Variants in SBF2 observed in about 807,000 individuals in gnomAD.
SBF2 encodes the protein myotubularin-related protein 13.
A neutral mutation model predicts 225.2 loss-of-function variants in SBF2; 112 were observed. That is an observed-to-expected ratio of 0.50 (90% CI 0.43 to 0.58). The LOEUF is 0.58. Ranked by LOEUF, SBF2 falls within the 20% of genes least tolerant of loss-of-function variation. The pLI is 0.00. For synonymous variants in SBF2, 763 were observed against 773.3 expected (o/e 0.99, Z 0.22); for missense variants, 1,996 against 2,206.2 (o/e 0.90, Z 1.91).
In SBF2 at chr11:10,035,737, T is replaced by C. The variant is rs74494743; in HGVS notation, c.280-4567A>G. Among the ~76,000 whole-genome samples the C allele has an allele frequency of 1.3e-4, 20 of 152,268 alleles. No homozygotes were observed. In the East Asian group the frequency reaches 3.7e-3, roughly 28 times the overall value. ...AGATACCATCTCACACCAGTTAGAA[T>C]GGTGATCATTAAAAAGTCAGGAAAC... is the stretch of plus-strand genomic sequence containing the variant. On this transcript the variant is annotated intron_variant, in intron 3 of 39. Coordinates refer to ENST00000256190, the MANE Select transcript of SBF2 (RefSeq NM_030962.4).
intron 2 of SBF2, among the ~76,000 whole-genome samples, chr11:10,174,405 G>T (rs1355694456): frequency 1.3e-5 from 2 of 152,208 alleles, no homozygotes; most frequent in African/African-American, 4.8e-5. Flanking sequence ...GGAAGAAAGG[G>T]TATCAGCGAT....
At chr11:9,784,155 G>C (rs1852214040) in intron 38 of SBF2, among the ~76,000 whole-genome samples, 196 bp downstream of exon 38, 1 of 152,094 alleles carries the variant, frequency 6.6e-6, no homozygotes, top group Non-Finnish European at 1.5e-5. Context: ...CGAGCTACTT[G>C]GGAAACTCCC....
intron 2 of SBF2, among the ~76,000 whole-genome samples, chr11:10,068,000 A>C (rs1167878701): frequency 6.6e-6 from 1 of 152,248 alleles, no homozygotes; most frequent in Non-Finnish European, 1.5e-5. Context: ...CACTTGCTCA[A>C]GAAAAGTGTA....
intron 32 of SBF2, among the ~76,000 whole-genome samples, chr11:9,796,730 T>C (rs890295335): frequency 6.6e-6 from 1 of 152,108 alleles, no homozygotes; most frequent in African/African-American, 2.4e-5. Flanking sequence ...AAGAGAAAGA[T>C]AGTTCAAGTG....
At chr11:10,224,138 A>G (rs1179938589) in intron 1 of SBF2, among the ~76,000 whole-genome samples, 1 of 151,966 alleles carries the variant, frequency 6.6e-6, no homozygotes, top group East Asian at 1.9e-4. Flanking sequence ...CCTTTTTCTT[A>G]ATTTTCCCAA....
intron 2 of SBF2, among the ~76,000 whole-genome samples, chr11:10,051,664 T>C (rs562863758): frequency 5.3e-5 from 8 of 152,216 alleles, no homozygotes; most frequent in South Asian, 2.1e-4. Context: ...ATTAGAATCA[T>C]AGTTTATAGG....
At chr11:10,276,818 C>T (rs1325443463) in intron 1 of SBF2, among the ~76,000 whole-genome samples, 1 of 152,122 alleles carries the variant, frequency 6.6e-6, no homozygotes, top group East Asian at 1.9e-4. Flanking sequence ...GGCTGTGACA[C>T]TAGATCCCAA....
Position 9,849,469 on chromosome 11 carries a change from T to C in SBF2, c.2806+554A>G, listed in dbSNP as rs16907154. Among the ~76,000 whole-genome samples the C allele has an allele frequency of 5.0e-3, 763 of 152,262 alleles. 35 individuals are homozygous for C. The East Asian group carries it at 0.1, about 20-fold the overall frequency. On this transcript the variant is annotated intron_variant, in intron 22 of 39. Transcript: ENST00000256190. ...TAGGGCATGCTATTCCTTTCCAATA[T>C]AGAAGGCTGTACTGAATAGTAGAAA...
chr11:10,201,959 C>T (rs558233827), intron 1 of SBF2, among the ~76,000 whole-genome samples: 1 of 152,316 alleles, frequency 6.6e-6, no homozygotes, highest in Non-Finnish European at 1.5e-5. Flanking sequence ...AGCAGCTACA[C>T]AGCTTTAATC....
intron 16 of SBF2, chr11:9,958,504 G>A (rs1455707176): frequency 1.3e-5 from 2 of 158,104 alleles, no homozygotes; most frequent in South Asian, 1.9e-4. Flanking sequence ...GACTACAGGC[G>A]CCCGCCACCT....
In SBF2 at chr11:9,992,991, T is replaced by C. The variant is rs1490002752; in HGVS notation, c.1166A>G (p.Lys389Arg). 1.0e-5 allele frequency: 16 copies of C among 1,593,120 alleles called. No homozygotes were observed. The highest frequency in any genetic ancestry group is 1.4e-5 in the Non-Finnish European group (16 of 1,162,726). ...IHAEPVIHFH[K>R]TAFLGQRGLV... is the part of the protein sequence containing the mutation. ...ATACAATATAGTACTCTATCTTACC[T>C]TGTGGAAATGTATTACTGGCTCTGC... The change falls in exon 11 of 40, where the codon AAG (lysine) becomes AGG (arginine). Residue 389 changes from lysine to arginine, a missense_variant and splice_region_variant. Transcript: ENST00000256190.
chr11:9,817,194 C>A (rs1253552548), intron 28 of SBF2, among the ~76,000 whole-genome samples, 170 bp from the exon 29 acceptor site: 2 of 152,166 alleles, frequency 1.3e-5, no homozygotes, highest in African/African-American at 4.8e-5. Flanking sequence ...TAAACATTAT[C>A]CAATATAGCA....
intron 1 of SBF2, among the ~76,000 whole-genome samples, chr11:10,209,158 G>A (rs1591217490): frequency 6.6e-6 from 1 of 152,078 alleles, no homozygotes; most frequent in Non-Finnish European, 1.5e-5. Context: ...CAATAAAGGA[G>A]AAGTTACAAA....
chr11:10,102,111 T>C (rs1952334645), intron 2 of SBF2, among the ~76,000 whole-genome samples: 1 of 152,236 alleles, frequency 6.6e-6, no homozygotes, highest in Non-Finnish European at 1.5e-5. Context: ...GTCCTCCAAA[T>C]TTAGACATTT....
intron 13 of SBF2, among the ~76,000 whole-genome samples, 178 bp downstream of exon 13, chr11:9,989,319 A>T (rs1354722709): frequency 6.6e-6 from 1 of 152,142 alleles, no homozygotes; most frequent in Non-Finnish European, 1.5e-5. Flanking sequence ...GGCGAGGGAT[A>T]AAAGACTACA....
At chr11:10,184,133 T>C (rs1273400333) in intron 2 of SBF2, among the ~76,000 whole-genome samples, 1 of 152,034 alleles carries the variant, frequency 6.6e-6, no homozygotes, top group South Asian at 2.1e-4. Flanking sequence ...CAACTAAAAA[T>C]AAAAGGAAAA....
chr11:10,173,785 T>C (rs371787265), intron 2 of SBF2, among the ~76,000 whole-genome samples: 1,899 of 139,192 alleles, frequency 0.014, 39 homozygotes, highest in East Asian at 0.065. Context: ...AAGAGAGCAG[T>C]GGTTCTCCCA....
At chr11:9,839,468 C>G (rs745743596) in intron 26 of SBF2, 30 bp downstream of exon 26, 1 of 1,602,602 alleles carries the variant, frequency 6.2e-7, no homozygotes, top group South Asian at 1.1e-5. Context: ...GGAAGGAAGA[C>G]CTCTTTTTGG....
At chr11:10,125,761 A>G (rs1363290553) in intron 2 of SBF2, among the ~76,000 whole-genome samples, 1 of 152,182 alleles carries the variant, frequency 6.6e-6, no homozygotes, top group African/African-American at 2.4e-5. Flanking sequence ...AGGACACTAT[A>G]CTGCATTTAG....
Sources: allele counts gnomAD v4.1 joint callset (sites outside exome capture counted in the v4.1 genomes callset), GRCh38; gene constraint gnomAD v4.1.1; transcripts MANE v1.5; gene names NCBI Gene and HGNC (gene_info 2026-07-23, HGNC 2026-07-21).